ZDHHC20: variants seen among roughly 807,000 people sequenced by gnomAD.
ZDHHC20 encodes the protein palmitoyltransferase ZDHHC20.
ZDHHC20 carries 43 observed loss-of-function variants against 57.8 expected under a neutral mutation model. The observed-to-expected ratio is 0.74, with a 90% CI of 0.58 to 0.96. ZDHHC20 has a LOEUF of 0.96. Ranked by LOEUF, ZDHHC20 falls within the 40% of genes least tolerant of loss-of-function variation. ZDHHC20 has a pLI of 0.00. For synonymous variants in ZDHHC20, 157 were observed against 153.0 expected (o/e 1.03, Z -0.19); for missense variants, 391 against 441.1 (o/e 0.89, Z 1.02).
At chr13:21,376,740 A>G in intron 12 of ZDHHC20, 85 bp from the exon 13 acceptor site, 1 of 782,584 alleles carries the variant, frequency 1.3e-6, no homozygotes, top group Non-Finnish European at 1.9e-6. Flanking sequence ...GGGCTAAGGT[A>G]CAAAGCTACT....
chr13:21,442,161 T>C (rs1366569360), intron 1 of ZDHHC20, among the ~76,000 whole-genome samples: 3 of 152,236 alleles, frequency 2.0e-5, no homozygotes, highest in African/African-American at 7.2e-5. Context: ...ATAATGATTT[T>C]TCTTACTAGA....
intron 7 of ZDHHC20, among the ~76,000 whole-genome samples, chr13:21,398,852 G>A (rs949815482): frequency 1.3e-5 from 2 of 152,274 alleles, no homozygotes; most frequent in South Asian, 4.1e-4. Context: ...CCATGTGAGC[G>A]CTAGGGCTAG....
chr13:21,380,550 T>C (rs1462658103), intron 11 of ZDHHC20, among the ~76,000 whole-genome samples: 1 of 151,644 alleles, frequency 6.6e-6, no homozygotes, highest in Non-Finnish European at 1.5e-5. Context: ...TCCCAGCACT[T>C]TGGGGGGCTG....
intron 12 of ZDHHC20, among the ~76,000 whole-genome samples, chr13:21,378,162 C>T (rs868158458): frequency 6.6e-6 from 1 of 152,074 alleles, no homozygotes; most frequent in South Asian, 2.1e-4. Flanking sequence ...CCCACTTCAG[C>T]CTCCCACGTA....
intron 1 of ZDHHC20, among the ~76,000 whole-genome samples, chr13:21,432,505 G>T (rs535757064): frequency 5.9e-5 from 9 of 151,728 alleles, no homozygotes; most frequent in Non-Finnish European, 1.3e-4. Context: ...AATTTTTTTT[G>T]TGTTTTTTAG....
At chr13:21,438,645 G>GAATA (rs1197927057) in intron 1 of ZDHHC20, among the ~76,000 whole-genome samples, 2 of 152,254 alleles carry the variant, frequency 1.3e-5, no homozygotes, top group Admixed American at 1.3e-4. Context: ...AAACCATTTA[G>GAATA]AATATTACAT....
chr13:21,454,169 T>C (rs1884708934), intron 1 of ZDHHC20, among the ~76,000 whole-genome samples: 2 of 151,924 alleles, frequency 1.3e-5, no homozygotes, highest in Non-Finnish European at 2.9e-5. Context: ...CTACTAAAAA[T>C]ACAAAAATTA....
chr13:21,386,138 G>T (rs889964437), intron 9 of ZDHHC20, among the ~76,000 whole-genome samples: 3 of 152,174 alleles, frequency 2.0e-5, no homozygotes, highest in East Asian at 1.9e-4. Flanking sequence ...ATACAAAAGA[G>T]ATCGATGAAC....
chr13:21,382,378 C>G (rs2137653571), intron 10 of ZDHHC20, among the ~76,000 whole-genome samples: 1 of 152,296 alleles, frequency 6.6e-6, no homozygotes, highest in Middle Eastern at 3.4e-3. Flanking sequence ...GTATCTCTAG[C>G]TTCTTTAAAA....
At chr13:21,435,468 C>G (rs1271918649) in intron 1 of ZDHHC20, among the ~76,000 whole-genome samples, 1 of 152,070 alleles carries the variant, frequency 6.6e-6, no homozygotes, top group Non-Finnish European at 1.5e-5. Context: ...CACATCAAAG[C>G]ACACAGAAAC....
At chr13:21,444,057 G>A (rs1241918339) in intron 1 of ZDHHC20, among the ~76,000 whole-genome samples, 1 of 152,198 alleles carries the variant, frequency 6.6e-6, no homozygotes, top group African/African-American at 2.4e-5. Context: ...TTGGGAGGCT[G>A]AGGCAGGAGA....
chr13:21,414,648 G>A (rs1879727893), intron 3 of ZDHHC20, among the ~76,000 whole-genome samples: 1 of 151,538 alleles, frequency 6.6e-6, no homozygotes, highest in Non-Finnish European at 1.5e-5. Flanking sequence ...TGGGATTACA[G>A]GCGTGAGCCA....
intron 1 of ZDHHC20, among the ~76,000 whole-genome samples, chr13:21,433,060 C>T (rs1294820718): frequency 6.6e-6 from 1 of 152,136 alleles, no homozygotes; most frequent in Non-Finnish European, 1.5e-5. Flanking sequence ...AGTATGGGTC[C>T]TCCAACTTAT....
chr13:21,445,716 A>C (rs7983781), intron 1 of ZDHHC20, among the ~76,000 whole-genome samples: 14,128 of 152,292 alleles, frequency 0.093, 714 homozygotes, highest in Non-Finnish European at 0.1. Context: ...TATTGAGAAC[A>C]TATTATACCA....
intron 1 of ZDHHC20, among the ~76,000 whole-genome samples, chr13:21,454,116 A>G (rs1566121435): frequency 6.6e-6 from 1 of 152,146 alleles, no homozygotes; most frequent in Admixed American, 6.5e-5. Flanking sequence ...GCTTGAGGTC[A>G]GGAGTTGAAG....
chr13:21,424,731 G>C (rs967113927), intron 2 of ZDHHC20, among the ~76,000 whole-genome samples: 3 of 151,010 alleles, frequency 2.0e-5, no homozygotes, highest in Non-Finnish European at 4.4e-5. Flanking sequence ...AAAAGACTCT[G>C]AGAGACACGG....
intron 1 of ZDHHC20, among the ~76,000 whole-genome samples, chr13:21,436,751 G>C (rs1335857628): frequency 6.6e-6 from 1 of 152,170 alleles, no homozygotes; most frequent in East Asian, 1.9e-4. Context: ...GTGAAAGGAA[G>C]AGTCACACAC....
chr13:21,415,259 T>TGG (rs1453509796), intron 3 of ZDHHC20, among the ~76,000 whole-genome samples: 1 of 152,252 alleles, frequency 6.6e-6, no homozygotes, highest in African/African-American at 2.4e-5. Flanking sequence ...GGGTCTTCTG[T>TGG]GTTCTACTCT....
At position 21,381,409 on chromosome 13, in the gene ZDHHC20, C is replaced by A. The variant is rs998095048; in HGVS notation, c.1060+25G>T. The A allele has an allele frequency of 6.6e-6, 10 of 1,521,418 alleles. No homozygotes were observed. In the African/African-American group the frequency reaches 1.1e-4, roughly 17 times the overall value. 94.2% of individuals were successfully genotyped at this position (1,521,418 alleles called of 1,614,324 possible). ...TGCTTTTCATTTGAACCAGACAAAG[C>A]AGTGTTTCAAATGAGAACTATTACC... On this transcript the variant is annotated intron_variant, in intron 11 of 12. Coordinates refer to ENST00000400590, the MANE Select transcript of ZDHHC20 (RefSeq NM_001330059.2).
Sources: gnomAD v4.1 joint callset for allele counts (sites outside exome capture counted in the v4.1 genomes callset) on GRCh38, gnomAD v4.1.1 for gene constraint, MANE v1.5 for transcripts, NCBI Gene and HGNC (gene_info 2026-07-23, HGNC 2026-07-21) for gene names.